VDR: variants seen among roughly 807,000 people sequenced by gnomAD.
VDR encodes the protein vitamin D receptor.
Under a neutral mutation model 39.7 loss-of-function variants are expected in VDR, and 19 were observed. The ratio of observed to expected loss-of-function variants is 0.48; its 90% CI spans 0.33 to 0.70. The LOEUF is 0.70. VDR is among the 30% of genes least tolerant of loss of function. The pLI, the probability that VDR is intolerant of heterozygous loss-of-function variation, is 0.02. For missense variants in VDR, 442 were observed against 570.5 expected (o/e 0.77, Z 2.29); for synonymous variants, 242 against 215.8 (o/e 1.12, Z -1.07).
In VDR at chr12:47,846,338, G is replaced by C. The variant is rs1162183732; in HGVS notation, c.1021C>G (p.Pro341Ala). ...VLLMAICIVS[P>A]DRPGVQDAAL... is the part of the protein sequence containing the mutation. The stretch of plus-strand genomic sequence containing the variant: ...TCCTCCCTGCCTGGCCCCATACCTG[G>C]GGAGACGATGCAGATGGCCATGAGC... The change falls in exon 9 of 10, where the codon CCA becomes GCA. Residue 341 changes from proline (P) to alanine (A), a missense_variant. Physicochemically the swap from Pro to Ala is conservative, Grantham distance 27. Coordinates refer to ENST00000549336, the MANE Select transcript of VDR (RefSeq NM_000376.3). The C allele has an allele frequency of 6.2e-7, 1 of 1,607,246 alleles. No individual in the cohort carries two copies.
At chr12:47,852,324 T>A (rs1191325591) in intron 7 of VDR, among the ~76,000 whole-genome samples, 1 of 152,190 alleles carries the variant, frequency 6.6e-6, no homozygotes, top group Non-Finnish European at 1.5e-5. Flanking sequence ...TGCTTCTGTG[T>A]TTTTTCCCTA....
chr12:47,894,636 C>A (rs1004025349), intron 1 of VDR, among the ~76,000 whole-genome samples: 1 of 152,298 alleles, frequency 6.6e-6, no homozygotes, highest in Admixed American at 6.5e-5. Flanking sequence ...TGGTCAGTAG[C>A]CCAGGATTGA....
chr12:47,904,783 C>G (rs1211860601), intron 1 of VDR, 172 bp downstream of exon 1: 3 of 687,930 alleles, frequency 4.4e-6, no homozygotes, highest in Admixed American at 5.1e-5. Context: ...ACCTCAGTGC[C>G]CCTTAGTGTC....
chr12:47,895,055 C>A (rs549437871), intron 1 of VDR, among the ~76,000 whole-genome samples: 2 of 152,206 alleles, frequency 1.3e-5, no homozygotes, highest in Non-Finnish European at 2.9e-5. Flanking sequence ...GTTGTGTCAG[C>A]TGAGATAAAT....
At chr12:47,895,632 G>C (rs988346333) in intron 1 of VDR, among the ~76,000 whole-genome samples, 1 of 152,196 alleles carries the variant, frequency 6.6e-6, no homozygotes, top group African/African-American at 2.4e-5. Context: ...AGAGGATGCA[G>C]TGGAGCCTGC....
In VDR at chr12:47,857,701, A is replaced by G. The variant is rs752684532; in HGVS notation, c.278-13T>C. 2.7e-5 allele frequency: 43 copies of G among 1,611,130 alleles called. No individual in the cohort carries two copies. Among genetic ancestry groups the G allele is most frequent in the Non-Finnish European group, 3.6e-5 (42 of 1,177,858 alleles). On this transcript the variant is annotated splice_polypyrimidine_tract_variant and intron_variant, in intron 4 of 9. Transcript: ENST00000549336. ...TCTGTCAGAATGACTGTGGGGTGGG[A>G]AGGGGAGTCAGGAGGGCTGGCCAGC...
At chr12:47,855,600 T>G (rs542895852) in intron 7 of VDR, 30 bp downstream of exon 7, 4 of 1,613,542 alleles carry the variant, frequency 2.5e-6, no homozygotes, top group Non-Finnish European at 3.4e-6. Flanking sequence ...ACTCTGACTC[T>G]GTTCCCCAGA....
In VDR at chr12:47,865,144, G is replaced by C. The variant is rs778171487; in HGVS notation, c.180C>G (p.Cys60Trp). The C allele has an allele frequency of 6.2e-7, 1 of 1,613,512 alleles. No homozygotes were observed. The highest frequency in any genetic ancestry group is 8.5e-7 in the Non-Finnish European group (1 of 1,179,614). Residue 60 changes from cysteine (C) to tryptophan (W), a missense_variant, in exon 4 of 10, where the codon TGC (cysteine) becomes TGG (tryptophan). Coordinates refer to ENST00000549336, the MANE Select transcript of VDR (RefSeq NM_000376.3). The part of the protein sequence containing the change: ...RSMKRKALFT[C>W]PFNGDCRITK... ...TGATGCGGCAGTCCCCGTTGAAGGGGCAGGTGAATAGTGCCTTCCGCTTCA... is the reference window on the plus strand; with the variant it reads ...TGATGCGGCAGTCCCCGTTGAAGGGCCAGGTGAATAGTGCCTTCCGCTTCA...
chr12:47,879,099 C>T lies in VDR; in HGVS notation c.15G>A (p.Ala5=), dbSNP rs752932306. 8.7e-6 allele frequency: 14 copies of T among 1,613,858 alleles called. No individual in the cohort carries two copies. Among genetic ancestry groups the T allele is most frequent in the African/African-American group, 5.3e-5 (4 of 74,898 alleles). MEAM[A]ASTSLPDPGD... ...CAGGGTCAGGCAGGGAAGTGCTGGC[C>T]GCCATTGCCTCCATCCCTGTAAGAA... Residue 5 remains alanine, a synonymous_variant, in exon 3 of 10, where the codon GCG becomes GCA. Transcript: ENST00000549336.
At chr12:47,881,387 T>C (rs1946147335) in intron 2 of VDR, among the ~76,000 whole-genome samples, 1 of 152,144 alleles carries the variant, frequency 6.6e-6, no homozygotes, top group Admixed American at 6.5e-5. Flanking sequence ...TTGAGTACTA[T>C]GCTCGCTACC....
chr12:47,863,184 G>A (rs1945659794), intron 4 of VDR, among the ~76,000 whole-genome samples: 2 of 152,190 alleles, frequency 1.3e-5, no homozygotes, highest in South Asian at 2.1e-4. Context: ...CGCTGTTTAT[G>A]GGGACCAGGA....
intron 1 of VDR, among the ~76,000 whole-genome samples, chr12:47,894,437 G>T (rs574561259): frequency 3.2e-4 from 49 of 152,322 alleles, no homozygotes; most frequent in African/African-American, 1.1e-3. Flanking sequence ...CCTCTGACTG[G>T]GCTGGGCCCC....
chr12:47,857,367 G>T, intron 5 of VDR, 118 bp from the exon 6 acceptor site: 1 of 1,602,736 alleles, frequency 6.2e-7, no homozygotes, highest in Non-Finnish European at 8.5e-7. Flanking sequence ...GCCTCCCAGT[G>T]CCAGGGGCAG....
Position 47,847,577 on chromosome 12 carries a change from CT to C in VDR, c.756-770del, listed in dbSNP as rs796273226. The stretch of plus-strand genomic sequence containing the variant: ...CAGATGCTGTGTGTTCTCACTGTGC[CT>C]TTTTTTTTTCTTGTGACAGGATCTC... On this transcript the variant is annotated intron_variant, in intron 7 of 9. Coordinates refer to ENST00000549336, the MANE Select transcript of VDR (RefSeq NM_000376.3). Among the ~76,000 whole-genome samples the C allele has an allele frequency of 2.7e-3, 398 of 149,492 alleles. 5 individuals are homozygous for C. The highest frequency in any genetic ancestry group is 8.7e-3 in the African/African-American group (353 of 40,778).
intron 1 of VDR, among the ~76,000 whole-genome samples, chr12:47,896,061 G>T (rs1946460156): frequency 6.6e-6 from 1 of 152,230 alleles, no homozygotes; most frequent in African/African-American, 2.4e-5. Context: ...CACTAGCTGT[G>T]CAACAAGAAC....
chr12:47,883,796 G>A (rs1178802518), intron 1 of VDR, among the ~76,000 whole-genome samples: 1 of 152,182 alleles, frequency 6.6e-6, no homozygotes, highest in African/African-American at 2.4e-5. Flanking sequence ...AAGGGGGAGA[G>A]CTCAAGGGGC....
At chr12:47,862,485 A>G (rs549400307) in intron 4 of VDR, among the ~76,000 whole-genome samples, 1 of 152,374 alleles carries the variant, frequency 6.6e-6, no homozygotes, top group East Asian at 1.9e-4. Context: ...TTGAAAAAAT[A>G]AAAGTATTTA....
chr12:47,853,049 A>G (rs1248522644), intron 7 of VDR, among the ~76,000 whole-genome samples: 1 of 152,248 alleles, frequency 6.6e-6, no homozygotes, highest in Non-Finnish European at 1.5e-5. Context: ...TATGTATTTT[A>G]TGGCAATATA....
intron 3 of VDR, among the ~76,000 whole-genome samples, chr12:47,867,242 T>C (rs1945756472): frequency 6.6e-6 from 1 of 151,908 alleles, no homozygotes; most frequent in Non-Finnish European, 1.5e-5. Flanking sequence ...TAGTCCCCGC[T>C]ACTCGGGAGG....
Sources: gnomAD v4.1 joint callset for allele counts (sites outside exome capture counted in the v4.1 genomes callset) on GRCh38, gnomAD v4.1.1 for gene constraint, MANE v1.5 for transcripts, NCBI Gene and HGNC (gene_info 2026-07-23, HGNC 2026-07-21) for gene names.